The following AGAP1 variants were observed in gnomAD, a reference collection of about 807,000 sequenced individuals.
AGAP1 encodes the protein ArfGAP with GTPase domain, ankyrin repeat and PH domain 1.
AGAP1 carries 29 observed loss-of-function variants against 105.3 expected under a neutral mutation model. The ratio of observed to expected loss-of-function variants is 0.28; its 90% confidence interval spans 0.21 to 0.38. AGAP1 has a LOEUF of 0.38. AGAP1 is among the 10% of genes least tolerant of loss of function. AGAP1 has a pLI of 1.00. For synonymous variants in AGAP1, 509 were observed against 485.9 expected (o/e 1.05, Z -0.63); for missense variants, 998 against 1,165.1 (o/e 0.86, Z 2.09).
chr2:235,849,661 G>A (rs1961938408), intron 9 of AGAP1, among the ~76,000 whole-genome samples: 1 of 152,170 alleles, frequency 6.6e-6, no homozygotes, highest in African/African-American at 2.4e-5. Context: ...CTGGATAAGG[G>A]TTGCCACCTG....
chr2:235,638,723 G>A (rs1947093124), intron 1 of AGAP1, among the ~76,000 whole-genome samples: 1 of 152,212 alleles, frequency 6.6e-6, no homozygotes, highest in African/African-American at 2.4e-5. Flanking sequence ...TCACATGGCT[G>A]CTCTGGCTTG....
intron 1 of AGAP1, among the ~76,000 whole-genome samples, chr2:235,567,104 T>C (rs1406424537): frequency 6.6e-6 from 1 of 152,218 alleles, no homozygotes; most frequent in Non-Finnish European, 1.5e-5. Context: ...GGGGACTGTG[T>C]GGACCTCTCC....
At chr2:235,628,161 G>A (rs537618181) in intron 1 of AGAP1, among the ~76,000 whole-genome samples, 2 of 152,134 alleles carry the variant, frequency 1.3e-5, no homozygotes. Flanking sequence ...AGTGGTGAGC[G>A]GATGGGGAGA....
Position 235,559,680 on chromosome 2 carries a change from A to G in AGAP1, c.163+64831A>G, listed in dbSNP as rs1944086505. Among the ~76,000 whole-genome samples the G allele has an allele frequency of 6.6e-6, 1 of 151,950 alleles. No homozygotes were observed. Among genetic ancestry groups the G allele is most frequent in the African/African-American group, 2.4e-5 (1 of 41,360 alleles). On this transcript the variant is annotated intron_variant, in intron 1 of 17. Transcript: ENST00000304032. The surrounding 1 kb of genome is among the most constrained non-coding windows in gnomAD (Gnocchi z 5.7). ...CCTGAAATTTAACATTTTGGTGGGTATGATGTGGTATCTCAACTGTGGTTT... is the reference window on the plus strand; with the variant it reads ...CCTGAAATTTAACATTTTGGTGGGTGTGATGTGGTATCTCAACTGTGGTTT...
rs929991122 is a variant in AGAP1 at position 236,042,455 on chromosome 2, A to G, written c.1891+1614A>G. On this transcript the variant is annotated intron_variant, in intron 15 of 17. Transcript: ENST00000304032. This position sits in a 1 kb window ranked among gnomAD's most constrained non-coding sequence, Gnocchi z 5.6. The stretch of plus-strand genomic sequence containing the variant: ...AGTTTTACTTTCAAATGTGTGGTGA[A>G]ATGAAGTTCGAAGAGAGAAGCAGTT... 2.6e-5 allele frequency among the ~76,000 whole-genome samples: 4 copies of G among 152,198 alleles called. No individual in the cohort carries two copies. Among genetic ancestry groups the G allele is most frequent in the Non-Finnish European group, 5.9e-5 (4 of 68,034 alleles).
In AGAP1 at chr2:235,889,990, C is replaced by T. The variant is rs1156748360; in HGVS notation, c.1155+6541C>T. Among the ~76,000 whole-genome samples the T allele has an allele frequency of 6.6e-6, 1 of 152,118 alleles. No homozygotes were observed. Among genetic ancestry groups the T allele is most frequent in the Non-Finnish European group, 1.5e-5 (1 of 68,030 alleles). ...TCTGTGAAGTCTTGACCCCAGCCAT[C>T]ACCCACAGCCACATCTCCCAGCCTC... On this transcript the variant is annotated intron_variant, in intron 10 of 17. Transcript: ENST00000304032. The surrounding 1 kb of genome is among the most constrained non-coding windows in gnomAD (Gnocchi z 4.6).
chr2:235,850,689 C>G (rs1398044938), intron 9 of AGAP1, among the ~76,000 whole-genome samples: 1 of 152,196 alleles, frequency 6.6e-6, no homozygotes, highest in Non-Finnish European at 1.5e-5. Context: ...GCTGCTTTTG[C>G]AAAAAGTTTT....
At chr2:235,806,264 T>C (rs1406760689) in intron 8 of AGAP1, among the ~76,000 whole-genome samples, 1 of 152,232 alleles carries the variant, frequency 6.6e-6, no homozygotes, top group African/African-American at 2.4e-5. Flanking sequence ...GTTTCTCCAT[T>C]TTCAATATTG....
intron 12 of AGAP1, among the ~76,000 whole-genome samples, chr2:235,938,924 C>T (rs987896810): frequency 3.9e-5 from 6 of 152,236 alleles, no homozygotes; most frequent in Middle Eastern, 3.4e-3. Context: ...CTGGGGCCAG[C>T]CGCTAGAGAT....
At position 235,992,775 on chromosome 2, in the gene AGAP1, C is replaced by T. The variant is rs1375600580; in HGVS notation, c.1645+24152C>T. On this transcript the variant is annotated intron_variant, in intron 13 of 17. Transcript: ENST00000304032. The surrounding 1 kb of genome is among the most constrained non-coding windows in gnomAD (Gnocchi z 4.8). Reference sequence around the variant, plus strand: ...TGGGCGCCGAGGAGAGCGTAGCCTCCTGTTAACGTAGCCTCCTGCTGCTCT... The same window carrying T: ...TGGGCGCCGAGGAGAGCGTAGCCTCTTGTTAACGTAGCCTCCTGCTGCTCT... Among the ~76,000 whole-genome samples, 1 of 152,188 alleles carries T rather than the reference C, an allele frequency of 6.6e-6. No homozygotes were observed. The highest frequency in any genetic ancestry group is 1.5e-5 in the Non-Finnish European group (1 of 68,032).
chr2:235,797,670 G>T, intron 6 of AGAP1, 89 bp from the exon 7 acceptor site: 3 of 1,523,194 alleles, frequency 2.0e-6, no homozygotes, highest in Non-Finnish European at 2.7e-6. Context: ...GGAAATAACA[G>T]ATTTCGACAA....
intron 16 of AGAP1, among the ~76,000 whole-genome samples, chr2:236,099,148 G>A (rs2059275517): frequency 6.6e-6 from 1 of 151,938 alleles, no homozygotes; most frequent in South Asian, 2.1e-4. Context: ...AATATATTTG[G>A]GGAATAAAAA....
At position 235,929,941 on chromosome 2, in the gene AGAP1, T is replaced by G. The variant is rs542503449; in HGVS notation, c.1325-824T>G. Among the ~76,000 whole-genome samples, 6 of 152,318 alleles carry G rather than the reference T, an allele frequency of 3.9e-5. No individual in the cohort carries two copies. In the South Asian group the frequency reaches 1.2e-3, roughly 32 times the overall value. On this transcript the variant is annotated intron_variant, in intron 11 of 17. Transcript: ENST00000304032. ...GAACTAAAACAATTGGAAGAAAATTTTTTTTAAAAAAGCCCCAGTACCTCC... is the reference window on the plus strand; with the variant it reads ...GAACTAAAACAATTGGAAGAAAATTGTTTTTAAAAAAGCCCCAGTACCTCC...
rs893871093 is a variant in AGAP1, at chr2:235,582,462, G to C, written c.163+87613G>C. ...GGGTGTCCCCTTAGACATCATGGGA[G>C]CTCATTGCATTGATGAAGCCCTCTT... On this transcript the variant is annotated intron_variant, in intron 1 of 17. Coordinates refer to ENST00000304032, the MANE Select transcript of AGAP1 (RefSeq NM_001037131.3). This position sits in a 1 kb window ranked among gnomAD's most constrained non-coding sequence, Gnocchi z 4.7. Among the ~76,000 whole-genome samples the C allele has an allele frequency of 4.6e-5, 7 of 152,198 alleles. No individual in the cohort carries two copies. Among genetic ancestry groups the C allele is most frequent in the African/African-American group, 1.4e-4 (6 of 41,452 alleles).
intron 1 of AGAP1, among the ~76,000 whole-genome samples, chr2:235,678,248 A>G (rs187680629): frequency 4.6e-5 from 7 of 152,252 alleles, no homozygotes; most frequent in East Asian, 3.9e-4. Flanking sequence ...ATAGATGTCT[A>G]TTCTCTCCTG....
At chr2:236,111,495 TAA>T (rs34157824) in intron 16 of AGAP1, among the ~76,000 whole-genome samples, 1 of 128,490 alleles carries the variant, frequency 7.8e-6, no homozygotes, top group African/African-American at 2.6e-5. Flanking sequence ...GACCCTGTCT[TAA>T]AAAAAAAAAG....
chr2:235,878,372 T>C (rs2049849802), intron 9 of AGAP1, among the ~76,000 whole-genome samples: 1 of 152,168 alleles, frequency 6.6e-6, no homozygotes, highest in South Asian at 2.1e-4. Flanking sequence ...TCTGGCCACG[T>C]GGGACCCTCC....
chr2:235,602,852 C>G (rs111988231), intron 1 of AGAP1, among the ~76,000 whole-genome samples: 2 of 152,286 alleles, frequency 1.3e-5, no homozygotes, highest in African/African-American at 4.8e-5. Context: ...CAAGCACTTG[C>G]CACCACGCCT....
chr2:235,797,714 G>A, intron 6 of AGAP1, 45 bp from the exon 7 acceptor site: 1 of 1,612,788 alleles, frequency 6.2e-7, no homozygotes, highest in Non-Finnish European at 8.5e-7. Flanking sequence ...TCCTGAATTT[G>A]GAAATTGATT....
Sources: allele counts gnomAD v4.1 joint callset (sites outside exome capture counted in the v4.1 genomes callset), GRCh38; gene constraint gnomAD v4.1.1; non-coding constraint Gnocchi (gnomAD v3.1); transcripts MANE v1.5; gene names NCBI Gene and HGNC (gene_info 2026-07-23, HGNC 2026-07-21).